Variants in SCRN3 observed in about 807,000 individuals in gnomAD.
SCRN3 encodes secernin 3.
SCRN3 carries 39 observed loss-of-function variants against 43.1 expected under a neutral mutation model. That is an observed-to-expected ratio of 0.91 (90% CI 0.70 to 1.18). The LOEUF is 1.18. Among genes scored for constraint, SCRN3 ranks in the 50% most tolerant of loss-of-function variants. The pLI is 0.00. For synonymous variants in SCRN3, 147 were observed against 163.1 expected (o/e 0.90, Z 0.75); for missense variants, 484 against 498.0 (o/e 0.97, Z 0.27).
chr2:174,398,581 A>T (rs1685404506), intron 2 of SCRN3, 139 bp downstream of exon 2: 1 of 627,482 alleles, frequency 1.6e-6, no homozygotes, highest in African/African-American at 2.0e-5. Flanking sequence ...GTCAGAAATA[A>T]ACTGTGATCT....
At chr2:174,402,565 A>G (rs1685543163) in intron 4 of SCRN3, among the ~76,000 whole-genome samples, 1 of 152,048 alleles carries the variant, frequency 6.6e-6, no homozygotes, top group African/African-American at 2.4e-5. Context: ...GTGTGTACCT[A>G]TAGTTCCAGC....
chr2:174,412,587 C>A (rs1685959704), intron 5 of SCRN3, among the ~76,000 whole-genome samples: 1 of 152,188 alleles, frequency 6.6e-6, no homozygotes, highest in African/African-American at 2.4e-5. Flanking sequence ...GCTTCAGAGG[C>A]AGACCCAGAT....
chr2:174,412,915 T>A (rs1685975947), intron 5 of SCRN3, among the ~76,000 whole-genome samples: 1 of 139,116 alleles, frequency 7.2e-6, no homozygotes, highest in Non-Finnish European at 1.5e-5. Flanking sequence ...TTGCCCAGGC[T>A]GGATTGCAAT....
intron 5 of SCRN3, among the ~76,000 whole-genome samples, chr2:174,412,860 C>CTT (rs71024803): frequency 0.011 from 679 of 61,854 alleles, 6 homozygotes; most frequent in South Asian, 0.018. Context: ...CCATATAGTG[C>CTT]TTTTTTTTTT....
Position 174,398,400 on chromosome 2 carries a change from T to G in SCRN3, c.117T>G (p.Tyr39Ter). ...RLYDEVQEVVYFPAVVHDNLG... is the reference protein window; with the variant it reads ...RLYDEVQEVV Reference sequence around the variant, plus strand: ...ATGATGAAGTACAAGAGGTGGTTTATTTTCCTGCTGTAGTTCATGATAACC... The same window carrying G: ...ATGATGAAGTACAAGAGGTGGTTTAGTTTCCTGCTGTAGTTCATGATAACC... Residue 39 changes from tyrosine (Y) to a stop codon, truncating the protein, a stop_gained, in exon 2 of 8, where the codon TAT becomes TAG. Transcript: ENST00000272732. LOFTEE classifies it high-confidence loss of function. 2 of 1,604,420 alleles carry G rather than the reference T, an allele frequency of 1.2e-6. No individual in the cohort carries two copies. Among genetic ancestry groups the G allele is most frequent in the African/African-American group, 2.7e-5 (2 of 74,506 alleles).
At chr2:174,396,080 GATA>G (rs1685295727) in intron 1 of SCRN3, 2 of 1,164,982 alleles carry the variant, frequency 1.7e-6, no homozygotes. Context: ...ATGTTATGAA[GATA>G]ATAATTCCGG....
chr2:174,415,655 T>C (rs552074143), intron 5 of SCRN3, among the ~76,000 whole-genome samples: 18 of 152,164 alleles, frequency 1.2e-4, no homozygotes, highest in Admixed American at 4.6e-4. Flanking sequence ...ATTAAAAAAA[T>C]TTTTTTTGAG....
At chr2:174,413,483 G>A (rs1160947740) in intron 5 of SCRN3, among the ~76,000 whole-genome samples, 1 of 151,802 alleles carries the variant, frequency 6.6e-6, no homozygotes, top group East Asian at 1.9e-4. Flanking sequence ...TCAGCAATCA[G>A]ATGGAGATTT....
chr2:174,397,353 G>A (rs1685361148), intron 1 of SCRN3: 1 of 982,306 alleles, frequency 1.0e-6, no homozygotes, highest in African/African-American at 1.7e-5. Flanking sequence ...AGGACCTTTA[G>A]GTGTTCTATT....
At chr2:174,412,229 G>A (rs1186674580) in intron 5 of SCRN3, among the ~76,000 whole-genome samples, 2 of 152,064 alleles carry the variant, frequency 1.3e-5, no homozygotes, top group Non-Finnish European at 2.9e-5. Context: ...TAAACAGCAT[G>A]AATCCCAGAA....
chr2:174,423,721 G>C, intron 6 of SCRN3, among the ~76,000 whole-genome samples: 1 of 151,052 alleles, frequency 6.6e-6, no homozygotes, highest in East Asian at 1.9e-4. Context: ...CGCCCACCTC[G>C]GCCTCCCAAC....
intron 2 of SCRN3, among the ~76,000 whole-genome samples, chr2:174,399,193 C>T (rs1685423238): frequency 6.6e-6 from 1 of 152,158 alleles, no homozygotes; most frequent in Non-Finnish European, 1.5e-5. Context: ...AATATTAAAA[C>T]ATATTAAATA....
At chr2:174,401,717 T>G (rs1685514617) in intron 4 of SCRN3, among the ~76,000 whole-genome samples, 1 of 152,248 alleles carries the variant, frequency 6.6e-6, no homozygotes, top group Non-Finnish European at 1.5e-5. Context: ...TGATCATATA[T>G]TCCTCTAATT....
At chr2:174,413,843 G>C (rs1241361687) in intron 5 of SCRN3, among the ~76,000 whole-genome samples, 4 of 151,392 alleles carry the variant, frequency 2.6e-5, no homozygotes, top group Admixed American at 2.6e-4. Flanking sequence ...CACCCACCTA[G>C]GCCTCCCAAA....
At chr2:174,424,212 A>G (rs1199748668) in intron 6 of SCRN3, among the ~76,000 whole-genome samples, 2 of 152,180 alleles carry the variant, frequency 1.3e-5, no homozygotes, top group Admixed American at 1.3e-4. Flanking sequence ...ACAAACTATT[A>G]CTTTGCTGAC....
Position 174,399,970 on chromosome 2 carries a change from C to T in SCRN3, c.208C>T (p.Leu70=). Reference sequence around the variant, plus strand: ...AGTTCCTGAAACATATGCTGTTGTCCTGAGTCGCCCAGCGTGGTTGTGGGG... The same window carrying T: ...AGTTCCTGAAACATATGCTGTTGTCTTGAGTCGCCCAGCGTGGTTGTGGGG... ...DQVPETYAVV[L]SRPAWLWGAE... The change falls in exon 3 of 8, where the codon CTG becomes TTG. Residue 70 remains leucine (L), a synonymous_variant. Transcript: ENST00000272732. 6.3e-7 allele frequency: 1 copy of T among 1,574,970 alleles called. No individual in the cohort carries two copies.
At chr2:174,426,958 G>A (rs576437629) in intron 7 of SCRN3, among the ~76,000 whole-genome samples, 153 of 151,736 alleles carry the variant, frequency 1.0e-3, no homozygotes, top group African/African-American at 3.6e-3. Context: ...TCAGCCTCCC[G>A]AGTAGCTGGG....
chr2:174,410,652 A>T (rs1685885428), intron 5 of SCRN3: 1 of 152,184 alleles, frequency 6.6e-6, no homozygotes, highest in African/African-American at 2.4e-5. Flanking sequence ...TGCAACCTGG[A>T]GACAGGCTTC....
intron 5 of SCRN3, among the ~76,000 whole-genome samples, chr2:174,422,010 A>G (rs1686309745): frequency 6.6e-6 from 1 of 152,190 alleles, no homozygotes; most frequent in African/African-American, 2.4e-5. Flanking sequence ...ATTGATAAAA[A>G]GAAGACAAGA....
Sources: gnomAD v4.1 joint callset for allele counts (sites outside exome capture counted in the v4.1 genomes callset) on GRCh38, gnomAD v4.1.1 for gene constraint, MANE v1.5 for transcripts, NCBI Gene and HGNC (gene_info 2026-07-23, HGNC 2026-07-21) for gene names.